Variants in FRMD6 observed in about 807,000 individuals in gnomAD.
The protein encoded by FRMD6 is FERM domain containing 6.
A neutral mutation model predicts 73.2 loss-of-function variants in FRMD6; 37 were observed. That is an observed-to-expected ratio of 0.51 (90% CI 0.39 to 0.66). The LOEUF (loss-of-function observed/expected upper bound fraction) is 0.66. Ranked by LOEUF, FRMD6 falls within the 30% of genes least tolerant of loss-of-function variation. The pLI is 0.00. For missense variants in FRMD6, 714 were observed against 780.5 expected, an observed-to-expected ratio of 0.91 and a Z score of 1.02; for synonymous variants, 273 against 282.2, an observed-to-expected ratio of 0.97 and a Z score of 0.33.
chr14:51,694,052 C>T (rs904202629), intron 2 of FRMD6, among the ~76,000 whole-genome samples: 4 of 152,152 alleles, frequency 2.6e-5, no homozygotes, highest in Non-Finnish European at 5.9e-5. Flanking sequence ...CTCTCTATAA[C>T]AATGAAAGTT....
At chr14:51,534,875 A>G (rs1207085893) in intron 1 of FRMD6, among the ~76,000 whole-genome samples, 1 of 152,184 alleles carries the variant, frequency 6.6e-6, no homozygotes, top group Non-Finnish European at 1.5e-5. Context: ...ATAGGACTAG[A>G]AGTATGTGCC....
At chr14:51,420,193 G>A in the FRMD6 span, among the ~76,000 whole-genome samples, 1 of 152,182 alleles carries the variant, frequency 6.6e-6, no homozygotes, top group South Asian at 2.1e-4. Flanking sequence ...TAACTGCATG[G>A]AACAAAGACT....
At chr14:51,649,054 G>A (rs1892206695), upstream of FRMD6, among the ~76,000 whole-genome samples, 1 of 152,098 alleles carries the variant, frequency 6.6e-6, no homozygotes, top group Non-Finnish European at 1.5e-5. Context: ...ATTGTAATAA[G>A]CACAGAAAAA....
chr14:51,554,340 T>C (rs1430172301), intron 1 of FRMD6, among the ~76,000 whole-genome samples: 1 of 152,226 alleles, frequency 6.6e-6, no homozygotes, highest in Non-Finnish European at 1.5e-5. Context: ...TTTGTGGAGA[T>C]ACTCTGGCCT....
chr14:51,478,581 G>T, the FRMD6 span, among the ~76,000 whole-genome samples: 4 of 152,180 alleles, frequency 2.6e-5, no homozygotes, highest in Admixed American at 1.3e-4. Flanking sequence ...GAGGGAGGAG[G>T]AATCTCGTGA....
rs139093555 is a variant in FRMD6, at chr14:51,587,382, G to A, written c.-147+16972G>A. Among the ~76,000 whole-genome samples the A allele has an allele frequency of 7.9e-5, 12 of 152,256 alleles. No homozygotes were observed. In the East Asian group the frequency reaches 1.5e-3, roughly 20 times the overall value. On this transcript the variant is annotated intron_variant, in intron 2 of 14. Transcript: ENST00000356218. ...CTTAGATGGAGTTTAGCTTTATTGAGGGCAGACCTTAAACACTCTTTATGC... is the reference window on the plus strand; with the variant it reads ...CTTAGATGGAGTTTAGCTTTATTGAAGGCAGACCTTAAACACTCTTTATGC...
chr14:51,454,849 G>A, the FRMD6 span: 1 of 152,098 alleles, frequency 6.6e-6, no homozygotes, highest in African/African-American at 2.4e-5. Flanking sequence ...TGCACTGAAT[G>A]AGGATGCATT....
At chr14:51,515,945 G>A (rs1169998818) in intron 1 of FRMD6, among the ~76,000 whole-genome samples, 4 of 152,212 alleles carry the variant, frequency 2.6e-5, no homozygotes, top group Admixed American at 6.5e-5. Flanking sequence ...ACACTGCAAA[G>A]TAGTTACTCT....
At chr14:51,583,962 C>T (rs964220386) in intron 2 of FRMD6, among the ~76,000 whole-genome samples, 1 of 152,140 alleles carries the variant, frequency 6.6e-6, no homozygotes, top group African/African-American at 2.4e-5. Flanking sequence ...TGTGAGAAAA[C>T]TTTTATATAG....
chr14:51,537,616 A>G lies in FRMD6; in HGVS notation c.-209-32732A>G, dbSNP rs79612040. Among the ~76,000 whole-genome samples, 371 of 152,314 alleles carry G rather than the reference A, an allele frequency of 2.4e-3. 1 individual carries two copies. The highest frequency in any genetic ancestry group is 3.9e-3 in the Non-Finnish European group (264 of 68,026). On this transcript the variant is annotated intron_variant, in intron 1 of 14. Coordinates refer to the FRMD6 transcript ENST00000356218. The stretch of plus-strand genomic sequence containing the variant: ...TTCCAAAGTGGCTATCCTATTTTGC[A>G]TTCTCTGTAGCAATGAATGAGAGTT...
intron 1 of FRMD6, among the ~76,000 whole-genome samples, chr14:51,495,030 A>G (rs1217983716): frequency 1.3e-5 from 2 of 152,096 alleles, no homozygotes; most frequent in African/African-American, 4.8e-5. Context: ...CTCTTCTCAC[A>G]TTTTAGTATA....
intron 1 of FRMD6, among the ~76,000 whole-genome samples, chr14:51,557,980 C>G (rs1887242984): frequency 6.8e-6 from 1 of 146,420 alleles, no homozygotes; most frequent in African/African-American, 2.5e-5. Context: ...AAAAAAAAGA[C>G]AATTGGTAAG....
chr14:51,420,627 A>T, the FRMD6 span, among the ~76,000 whole-genome samples: 1 of 152,342 alleles, frequency 6.6e-6, no homozygotes, highest in South Asian at 2.1e-4. Flanking sequence ...ACATGAACAG[A>T]CTTTTTCCTT....
At chr14:51,711,664 C>A in intron 8 of FRMD6, 68 bp downstream of exon 8, 1 of 1,121,974 alleles carries the variant, frequency 8.9e-7, no homozygotes. Context: ...CCTCTGTGGT[C>A]CTGCCACAGG....
At chr14:51,568,569 G>C (rs866041368) in intron 1 of FRMD6, among the ~76,000 whole-genome samples, 1 of 152,208 alleles carries the variant, frequency 6.6e-6, no homozygotes, top group African/African-American at 2.4e-5. Flanking sequence ...GCCAACAGTA[G>C]GCCAAAAATC....
chr14:51,512,272 G>A (rs1884354341), intron 1 of FRMD6, among the ~76,000 whole-genome samples: 1 of 152,190 alleles, frequency 6.6e-6, no homozygotes, highest in South Asian at 2.1e-4. Flanking sequence ...AAGATCCTCA[G>A]ATGAAAGTGA....
chr14:51,718,354 C>G (rs1897346763), intron 10 of FRMD6, among the ~76,000 whole-genome samples: 1 of 152,160 alleles, frequency 6.6e-6, no homozygotes, highest in African/African-American at 2.4e-5. Flanking sequence ...CTGAACCTAT[C>G]AGGAAGTTGA....
At chr14:51,578,468 A>G (rs887087928) in intron 2 of FRMD6, among the ~76,000 whole-genome samples, 7 of 152,164 alleles carry the variant, frequency 4.6e-5, no homozygotes, top group Admixed American at 2.0e-4. Context: ...GTGTATTTTC[A>G]TTTTTGTTTC....
intron 1 of FRMD6, among the ~76,000 whole-genome samples, chr14:51,506,003 T>A (rs1883941949): frequency 6.6e-6 from 1 of 152,188 alleles, no homozygotes; most frequent in South Asian, 2.1e-4. Flanking sequence ...CAAAAACGCT[T>A]CCTGTAACAA....
Sources: gnomAD v4.1 joint callset for allele counts (sites outside exome capture counted in the v4.1 genomes callset) on GRCh38, gnomAD v4.1.1 for gene constraint, MANE v1.5 for transcripts, NCBI Gene and HGNC (gene_info 2026-07-23, HGNC 2026-07-21) for gene names.